The following FARP1 variants were observed in gnomAD, a reference collection of about 807,000 sequenced individuals.
FARP1 encodes FERM, ARHGEF and pleckstrin domain-containing protein 1.
FARP1 carries 52 observed loss-of-function variants against 128.8 expected under a neutral mutation model. The observed-to-expected ratio is 0.40, with a 90% confidence interval of 0.32 to 0.51. FARP1 has a LOEUF of 0.51. Ranked by LOEUF, FARP1 falls within the 20% of genes least tolerant of loss-of-function variation. The pLI is 0.45. For synonymous variants in FARP1, 580 were observed against 551.8 expected, an observed-to-expected ratio of 1.05 and a Z score of -0.72; for missense variants, 1,333 against 1,367.9, an observed-to-expected ratio of 0.97 and a Z score of 0.40.
At chr13:98,288,084 G>A (rs571921211) in intron 2 of FARP1, among the ~76,000 whole-genome samples, 4 of 152,296 alleles carry the variant, frequency 2.6e-5, no homozygotes, top group African/African-American at 9.6e-5. Context: ...ACAGACGTGA[G>A]CCTCCGTACC....
At position 98,450,766 on chromosome 13, in the gene FARP1, G is replaced by A. The variant is rs1447438526; in HGVS notation, c.*2449G>A. ...GACGCTGAGGCAGGTTCCAGTGGTA[G>A]CCCTGGTGCCTGGGCTCTCTCTTAA... On this transcript the variant is annotated 3_prime_UTR_variant, in exon 27 of 27. Coordinates refer to ENST00000319562, the MANE Select transcript of FARP1 (RefSeq NM_005766.4). 2 of 152,282 alleles carry A rather than the reference G, an allele frequency of 1.3e-5. No homozygotes were observed. The highest frequency in any genetic ancestry group is 2.4e-5 in the African/African-American group (1 of 41,460). 9.4% of individuals were successfully genotyped at this position (152,282 alleles called of 1,614,324 possible). A position where few individuals can be genotyped will look rare whatever the true frequency, so the allele number is the denominator to read the frequency against.
intron 24 of FARP1, among the ~76,000 whole-genome samples, chr13:98,442,700 C>T (rs887531674): frequency 6.6e-6 from 1 of 152,224 alleles, no homozygotes; most frequent in Non-Finnish European, 1.5e-5. Flanking sequence ...GGAAAGGAGA[C>T]CCCCGAAGCG....
At chr13:98,240,609 T>C (rs575287348) in intron 2 of FARP1, among the ~76,000 whole-genome samples, 2 of 152,154 alleles carry the variant, frequency 1.3e-5, no homozygotes, top group South Asian at 2.1e-4. Context: ...AGAGCTGAGA[T>C]GAAAAGGAAA....
intron 2 of FARP1, among the ~76,000 whole-genome samples, chr13:98,281,284 C>T (rs558668283): frequency 4.9e-4 from 74 of 151,866 alleles, no homozygotes; most frequent in African/African-American, 7.0e-4. Context: ...TCCCAGGAGG[C>T]GGAGGTTGCA....
intron 2 of FARP1, among the ~76,000 whole-genome samples, chr13:98,302,696 T>A (rs1485872472): frequency 6.6e-6 from 1 of 152,218 alleles, no homozygotes; most frequent in Non-Finnish European, 1.5e-5. Context: ...AAGCCATTAG[T>A]TCTCAGTTGT....
At chr13:98,446,451 CG>C in intron 25 of FARP1, 1 of 607,928 alleles carries the variant, frequency 1.6e-6, no homozygotes, top group Non-Finnish European at 2.9e-6. Flanking sequence ...GGACAAGGGA[CG>C]GGGGTTGGCT....
chr13:98,336,105 G>A (rs1887730482), intron 2 of FARP1, among the ~76,000 whole-genome samples: 2 of 152,132 alleles, frequency 1.3e-5, no homozygotes, highest in Non-Finnish European at 2.9e-5. Flanking sequence ...AATGTGGTAG[G>A]GAGAGGGAGA....
At chr13:98,410,955 G>A (rs569316173) in intron 15 of FARP1, 132 bp downstream of exon 15, 30 of 491,264 alleles carry the variant, frequency 6.1e-5, no homozygotes, top group African/African-American at 4.8e-4. Flanking sequence ...TGGTCCTAGG[G>A]TATAGAAATT....
intron 17 of FARP1, among the ~76,000 whole-genome samples, chr13:98,428,903 G>A (rs760450675): frequency 3.9e-5 from 6 of 152,220 alleles, no homozygotes; most frequent in African/African-American, 1.2e-4. Flanking sequence ...CGCACAGAGC[G>A]ACACACACAT....
intron 16 of FARP1, among the ~76,000 whole-genome samples, chr13:98,418,358 T>C (rs1891468907): frequency 6.6e-6 from 1 of 152,124 alleles, no homozygotes; most frequent in Non-Finnish European, 1.5e-5. Context: ...CACTGCAACC[T>C]CCGTCTCCCA....
chr13:98,148,711 A>G (rs531156484), intron 1 of FARP1, among the ~76,000 whole-genome samples: 42 of 152,158 alleles, frequency 2.8e-4, no homozygotes, highest in Non-Finnish European at 5.0e-4. Context: ...CTTGAATGGT[A>G]AGTTTATCTG....
chr13:98,372,092 T>TC (rs1293248932), intron 5 of FARP1, among the ~76,000 whole-genome samples: 1 of 145,326 alleles, frequency 6.9e-6, no homozygotes, highest in Non-Finnish European at 1.5e-5. Context: ...TTTTTTTTTT[T>TC]TTTTTTTTTT....
In FARP1 at chr13:98,440,808, C is replaced by G. The variant is rs774403096; in HGVS notation, c.2768C>G (p.Ser923Cys). 15 of 1,611,242 alleles carry G rather than the reference C, an allele frequency of 9.3e-6. 2 individuals carry two copies. In the South Asian group the frequency reaches 1.4e-4, roughly 15 times the overall value. The stretch of plus-strand genomic sequence containing the variant: ...TGCTGGCACCGCAACACCAGCGTCT[C>G]CATGGTGGACTTCAGCATCGCAGTG... Reference protein sequence around the residue: ...HVCWHRNTSVSMVDFSIAVEN... With the variant: ...HVCWHRNTSVCMVDFSIAVEN... Residue 923 changes from serine to cysteine, a missense_variant, in exon 24 of 27, where the codon TCC (serine) becomes TGC (cysteine). Ser to Cys is a moderately radical substitution (Grantham distance 112). Around this residue, in one of 2 missense-constraint regions of FARP1, gnomAD observed 1,009 missense variants for 969.8 expected, o/e 1.04. Transcript: ENST00000319562.
Position 98,188,064 on chromosome 13 carries a change from G to T in FARP1, c.-23-25156G>T, listed in dbSNP as rs575029319. 3.2e-4 allele frequency among the ~76,000 whole-genome samples: 48 copies of T among 152,302 alleles called. No individual in the cohort carries two copies. In the South Asian group the frequency reaches 9.9e-3, roughly 32 times the overall value. ...TCTGCGGTCCCTTGGATTGGGTGCA[G>T]TTTGCTCTGCTGAGCGTGAGTTGGC... On this transcript the variant is annotated intron_variant, in intron 1 of 26. Coordinates refer to ENST00000319562, the MANE Select transcript of FARP1 (RefSeq NM_005766.4).
intron 16 of FARP1, among the ~76,000 whole-genome samples, chr13:98,416,605 G>C (rs1169941083): frequency 1.3e-5 from 2 of 152,222 alleles, no homozygotes; most frequent in Admixed American, 6.5e-5. Context: ...AACTTCAGGA[G>C]TTCTTTTCCT....
intron 1 of FARP1, among the ~76,000 whole-genome samples, chr13:98,207,666 G>A (rs1880351248): frequency 6.6e-6 from 1 of 151,738 alleles, no homozygotes; most frequent in Non-Finnish European, 1.5e-5. Context: ...GCAAGTGCAG[G>A]GCAGAAGGGG....
intron 2 of FARP1, among the ~76,000 whole-genome samples, chr13:98,222,244 G>A (rs1454372187): frequency 6.6e-6 from 1 of 152,102 alleles, no homozygotes; most frequent in African/African-American, 2.4e-5. Flanking sequence ...AACATGATAC[G>A]GGTTTCACAA....
intron 2 of FARP1, among the ~76,000 whole-genome samples, chr13:98,251,292 A>G (rs758386993): frequency 4.6e-5 from 7 of 152,306 alleles, no homozygotes; most frequent in Admixed American, 1.3e-4. Context: ...GCCACAGTTC[A>G]TATCTTCTGC....
chr13:98,158,227 A>G (rs1304065836), intron 1 of FARP1, among the ~76,000 whole-genome samples: 2 of 152,134 alleles, frequency 1.3e-5, no homozygotes, highest in African/African-American at 4.8e-5. Flanking sequence ...AGAGAAAACT[A>G]TTTTTTTCGG....
Sources: gnomAD v4.1 joint callset for allele counts (sites outside exome capture counted in the v4.1 genomes callset) on GRCh38, gnomAD v4.1.1 for gene constraint, gnomAD v4.1.1 regional missense constraint, MANE v1.5 for transcripts, NCBI Gene and HGNC (gene_info 2026-07-23, HGNC 2026-07-21) for gene names.